The following GPM6A variants were observed in gnomAD, a reference collection of about 807,000 sequenced individuals.
GPM6A encodes neuronal membrane glycoprotein M6-a.
A neutral mutation model predicts 32.1 loss-of-function variants in GPM6A; 7 were observed. The ratio of observed to expected loss-of-function variants is 0.22; its 90% CI spans 0.12 to 0.41. The LOEUF (loss-of-function observed/expected upper bound fraction) is 0.41. Ranked by LOEUF, GPM6A falls within the 10% of genes least tolerant of loss-of-function variation. The pLI is 1.00. For synonymous variants in GPM6A, 130 were observed against 123.4 expected, an observed-to-expected ratio of 1.05 and a Z score of -0.35; for missense variants, 235 against 347.2, an observed-to-expected ratio of 0.68 and a Z score of 2.57.
At chr4:175,844,803 T>A (rs950428980) in intron 1 of GPM6A, among the ~76,000 whole-genome samples, 1 of 152,196 alleles carries the variant, frequency 6.6e-6, no homozygotes, top group African/African-American at 2.4e-5. Context: ...GATTTCCTTA[T>A]CACTGTCAAG....
intron 1 of GPM6A, among the ~76,000 whole-genome samples, chr4:175,788,368 A>T (rs1447060133): frequency 6.6e-6 from 1 of 152,226 alleles, no homozygotes; most frequent in Admixed American, 6.5e-5. Context: ...CAAGGAAAAC[A>T]GTCAGTTGTT....
intron 1 of GPM6A, among the ~76,000 whole-genome samples, chr4:175,770,060 T>C (rs190620994): frequency 6.6e-6 from 1 of 152,042 alleles, no homozygotes; most frequent in East Asian, 1.9e-4. Flanking sequence ...TGAGATGGAG[T>C]TTTCCCTCTT....
intron 4 of GPM6A, 191 bp from the exon 5 acceptor site, chr4:175,641,020 CTATT>C (rs1283391707): frequency 5.4e-6 from 3 of 554,412 alleles, no homozygotes; most frequent in Non-Finnish European, 3.2e-6. Flanking sequence ...ATATGCAAGA[CTATT>C]TAGCCCTCAA....
At chr4:175,745,731 A>G (rs1039724355) in intron 1 of GPM6A, among the ~76,000 whole-genome samples, 1 of 152,198 alleles carries the variant, frequency 6.6e-6, no homozygotes, top group African/African-American at 2.4e-5. Context: ...AAAATATTCA[A>G]CATGCTGTGG....
chr4:175,909,028 C>CAA (rs1218577688), intron 1 of GPM6A, among the ~76,000 whole-genome samples: 1 of 61,870 alleles, frequency 1.6e-5, no homozygotes, highest in Non-Finnish European at 2.8e-5. Flanking sequence ...TAGAGGCAGA[C>CAA]AAAAAAAAAA....
intron 1 of GPM6A, among the ~76,000 whole-genome samples, chr4:175,913,947 T>C (rs924793892): frequency 3.3e-5 from 5 of 152,154 alleles, no homozygotes; most frequent in Admixed American, 6.5e-5. Flanking sequence ...CAATTCCACG[T>C]GACTGTAAAC....
At chr4:175,830,272 G>A (rs1735568797) in intron 1 of GPM6A, among the ~76,000 whole-genome samples, 3 of 152,242 alleles carry the variant, frequency 2.0e-5, no homozygotes, top group Middle Eastern at 3.4e-3. Context: ...CACTCAGTGA[G>A]GTTGTGTTAA....
intron 1 of GPM6A, among the ~76,000 whole-genome samples, chr4:175,958,372 C>G (rs1338838456): frequency 6.6e-6 from 1 of 152,190 alleles, no homozygotes; most frequent in East Asian, 1.9e-4. Flanking sequence ...GATTCAGAGG[C>G]ATGTTTACTG....
intron 6 of GPM6A, 33 bp from the exon 7 acceptor site, chr4:175,635,090 G>A: frequency 6.4e-7 from 1 of 1,559,162 alleles, no homozygotes; most frequent in Admixed American, 1.7e-5. Flanking sequence ...TATATTGGAA[G>A]TTTGTTCAGT....
At chr4:175,773,591 A>G (rs1276107760) in intron 1 of GPM6A, among the ~76,000 whole-genome samples, 2 of 152,226 alleles carry the variant, frequency 1.3e-5, no homozygotes, top group African/African-American at 2.4e-5. Context: ...TGACATGTAT[A>G]TATTAGCACA....
At chr4:175,737,342 C>T (rs1031908373) in intron 1 of GPM6A, among the ~76,000 whole-genome samples, 1 of 151,972 alleles carries the variant, frequency 6.6e-6, no homozygotes. Context: ...GCCCGTAATC[C>T]TGCACGCCTG....
At chr4:175,955,035 G>A (rs943571435) in intron 1 of GPM6A, among the ~76,000 whole-genome samples, 5 of 152,180 alleles carry the variant, frequency 3.3e-5, no homozygotes, top group East Asian at 1.9e-4. Context: ...ATGATTTTTC[G>A]TAAGAGTCCT....
intron 6 of GPM6A, among the ~76,000 whole-genome samples, chr4:175,635,407 TA>T (rs1175345338): frequency 1.3e-5 from 2 of 152,122 alleles, no homozygotes; most frequent in Non-Finnish European, 2.9e-5. Flanking sequence ...CTATGTTTTA[TA>T]ATCCATAATC....
rs375680452 is a variant in GPM6A, at chr4:175,872,673, C to T, written c.-22-60424G>A. The T allele has an allele frequency of 3.3e-5, 5 of 152,158 alleles. No homozygotes were observed. In the East Asian group the frequency reaches 5.8e-4, roughly 18 times the overall value. The allele number at this position is 152,158 out of a possible 1,614,324, so 9.4% of individuals were successfully genotyped here. A position where few individuals can be genotyped will look rare whatever the true frequency, so the allele number is the denominator to read the frequency against. ...ATTTTGAGTACTTACAGTAAAGTTT[C>T]TCCAATGCCAGCCTAGGAACCCAAG... On this transcript the variant is annotated intron_variant, in intron 1 of 7. Transcript: ENST00000280187.
chr4:175,825,869 G>A (rs550268551), intron 1 of GPM6A, among the ~76,000 whole-genome samples: 46 of 152,082 alleles, frequency 3.0e-4, no homozygotes, highest in African/African-American at 7.2e-4. Context: ...GAAGAGATTC[G>A]CAAACTTTTA....
chr4:175,722,784 C>A (rs76709530), intron 1 of GPM6A, among the ~76,000 whole-genome samples: 6,512 of 152,208 alleles, frequency 0.043, 183 homozygotes, highest in Non-Finnish European at 0.064. Context: ...TGGCTCATAC[C>A]TGTAATCCCA....
chr4:175,859,078 G>A (rs776566012), intron 1 of GPM6A, among the ~76,000 whole-genome samples: 15 of 152,128 alleles, frequency 9.9e-5, no homozygotes, highest in Non-Finnish European at 1.8e-4. Context: ...GGAGGAGATG[G>A]GGTTGTTCAG....
At chr4:175,964,283 T>C (rs1486504775) in intron 1 of GPM6A, among the ~76,000 whole-genome samples, 1 of 127,396 alleles carries the variant, frequency 7.8e-6, no homozygotes, top group Non-Finnish European at 1.8e-5. Context: ...CTCTATGTTG[T>C]CCAAAAACAA....
chr4:175,827,177 T>C (rs1240361224), intron 1 of GPM6A, among the ~76,000 whole-genome samples: 1 of 152,326 alleles, frequency 6.6e-6, no homozygotes, highest in South Asian at 2.1e-4. Flanking sequence ...TAAAATGCTA[T>C]ACAAAAATGA....
Sources: gnomAD v4.1 joint callset for allele counts (sites outside exome capture counted in the v4.1 genomes callset) on GRCh38, gnomAD v4.1.1 for gene constraint, MANE v1.5 for transcripts, NCBI Gene and HGNC (gene_info 2026-07-23, HGNC 2026-07-21) for gene names.